Variants in USH2A observed in about 807,000 individuals in gnomAD.
USH2A encodes Usher syndrome 2A (autosomal recessive, mild).
USH2A carries 443 observed loss-of-function variants against 538.9 expected under a neutral mutation model. The observed-to-expected ratio is 0.82, with a 90% confidence interval of 0.76 to 0.89. The LOEUF is 0.89. Among genes scored for constraint, USH2A ranks in the 40% least tolerant of loss-of-function variants. The probability of loss-of-function intolerance (pLI) is 0.00; values close to 1 mark genes in which losing one functional copy is unlikely to be tolerated. For missense variants in USH2A, 6,633 were observed against 6,324.8 expected (o/e 1.05, Z -1.65); for synonymous variants, 2,413 against 2,273.5 (o/e 1.06, Z -1.75).
chr1:215,951,359 C>T (rs550639994), intron 37 of USH2A, among the ~76,000 whole-genome samples: 33 of 152,236 alleles, frequency 2.2e-4, no homozygotes, highest in African/African-American at 6.7e-4. Flanking sequence ...TGTAGTTGAG[C>T]GGTTTTGAGT....
chr1:215,720,816 A>G (rs1406710218), intron 61 of USH2A, among the ~76,000 whole-genome samples: 2 of 152,190 alleles, frequency 1.3e-5, no homozygotes, highest in East Asian at 3.9e-4. Flanking sequence ...GGAATTTCCT[A>G]TGGGGACCCC....
chr1:216,225,109 T>A (rs1380368869), intron 14 of USH2A, among the ~76,000 whole-genome samples: 2 of 152,148 alleles, frequency 1.3e-5, no homozygotes, highest in Non-Finnish European at 2.9e-5. Flanking sequence ...TACATGTGAA[T>A]TTTTTCCTTT....
chr1:215,819,733 T>C (rs1435005739), intron 47 of USH2A, among the ~76,000 whole-genome samples: 1 of 151,796 alleles, frequency 6.6e-6, no homozygotes, highest in African/African-American at 2.4e-5. Flanking sequence ...CATTATAACT[T>C]CCCTTTCTTG....
intron 22 of USH2A, among the ~76,000 whole-genome samples, chr1:216,094,044 AG>A (rs2032377382): frequency 6.6e-6 from 1 of 152,132 alleles, no homozygotes; most frequent in South Asian, 2.1e-4. Flanking sequence ...TCTATAAACA[AG>A]TGGTCCTGTG....
At chr1:216,226,455 A>G (rs1005296876) in intron 14 of USH2A, among the ~76,000 whole-genome samples, 4 of 152,198 alleles carry the variant, frequency 2.6e-5, no homozygotes, top group Non-Finnish European at 5.9e-5. Context: ...GTCTATAATC[A>G]GAGAAGGTAG....
chr1:216,369,002 AG>A (rs887623188), intron 3 of USH2A, among the ~76,000 whole-genome samples: 3 of 152,190 alleles, frequency 2.0e-5, no homozygotes, highest in Non-Finnish European at 4.4e-5. Context: ...TCCCCTTAAA[AG>A]ATCATGATGG....
intron 30 of USH2A, among the ~76,000 whole-genome samples, chr1:216,062,614 C>A (rs867559550): frequency 5.3e-5 from 8 of 152,082 alleles, no homozygotes; most frequent in South Asian, 2.1e-4. Flanking sequence ...ATAAGGTTTT[C>A]ATCCCCAATT....
intron 11 of USH2A, among the ~76,000 whole-genome samples, chr1:216,271,367 T>C (rs2036571837): frequency 6.6e-6 from 1 of 152,086 alleles, no homozygotes; most frequent in Admixed American, 6.6e-5. Flanking sequence ...TTTTCATGGC[T>C]TTACGAAGGA....
chr1:215,807,354 A>G (rs1441298522), intron 49 of USH2A, among the ~76,000 whole-genome samples: 1 of 152,136 alleles, frequency 6.6e-6, no homozygotes, highest in Non-Finnish European at 1.5e-5. Context: ...GATTTATAGC[A>G]GCAATAGGAA....
intron 67 of USH2A, among the ~76,000 whole-genome samples, chr1:215,647,005 C>T (rs531374566): frequency 5.3e-5 from 8 of 152,308 alleles, no homozygotes; most frequent in Non-Finnish European, 1.0e-4. Context: ...ACTCGCCTAA[C>T]GATGCATTTC....
At chr1:215,781,800 T>C (rs886506628) in intron 54 of USH2A, among the ~76,000 whole-genome samples, 16 of 152,186 alleles carry the variant, frequency 1.1e-4, no homozygotes, top group African/African-American at 3.4e-4. Flanking sequence ...TGGTACTGCT[T>C]CAAGATTTCA....
chr1:215,842,732 T>C (rs1571739429), intron 46 of USH2A, among the ~76,000 whole-genome samples: 5 of 152,028 alleles, frequency 3.3e-5, no homozygotes, highest in Admixed American at 3.3e-4. Context: ...ACATCACATG[T>C]TCTCACTTAT....
intron 23 of USH2A, chr1:216,087,047 C>T (rs982749475): frequency 2.0e-6 from 1 of 488,696 alleles, no homozygotes; most frequent in Non-Finnish European, 3.8e-6. Flanking sequence ...CCTTTCTCTA[C>T]CCATAGGCAC....
intron 37 of USH2A, among the ~76,000 whole-genome samples, chr1:215,955,851 A>G (rs1014848445): frequency 8.5e-5 from 13 of 152,166 alleles, no homozygotes; most frequent in Non-Finnish European, 8.8e-5. Context: ...TCACTTTCTA[A>G]GGGGCCAAAC....
intron 32 of USH2A, among the ~76,000 whole-genome samples, chr1:216,014,705 A>G (rs754431900): frequency 6.6e-6 from 1 of 152,226 alleles, no homozygotes; most frequent in Non-Finnish European, 1.5e-5. Flanking sequence ...TCTAATATGC[A>G]TTAGAAATGG....
At chr1:215,953,600 C>G (rs1245517342) in intron 37 of USH2A, among the ~76,000 whole-genome samples, 1 of 151,850 alleles carries the variant, frequency 6.6e-6, no homozygotes. Context: ...GACCTAAAAC[C>G]ATAAAAACCC....
In USH2A at chr1:215,623,947, C is replaced by CTCCTT. The variant is rs1160475540; in HGVS notation, c.*1829_*1833dup. ...GGATTAGGATGCAAGTTTGTGACCA[C>CTCCTT]TCCTTTCCTATATACCTTAAGTAGC... is the stretch of plus-strand genomic sequence containing the variant. On this transcript the variant is annotated 3_prime_UTR_variant, in exon 72 of 72. Transcript: ENST00000307340. 6.6e-6 allele frequency: 1 copy of CTCCTT among 152,136 alleles called. No individual in the cohort carries two copies. The highest frequency in any genetic ancestry group is 2.4e-5 in the African/African-American group (1 of 41,448). The allele number at this position is 152,136 out of a possible 1,614,324, so 9.4% of individuals were successfully genotyped here.
At chr1:215,738,838 T>C (rs1460497808) in intron 60 of USH2A, among the ~76,000 whole-genome samples, 3 of 152,172 alleles carry the variant, frequency 2.0e-5, no homozygotes, top group Admixed American at 6.5e-5. Flanking sequence ...TGAAATTACA[T>C]GCCATAACCT....
At chr1:216,140,223 C>A (rs1269328146) in intron 21 of USH2A, among the ~76,000 whole-genome samples, 2 of 152,062 alleles carry the variant, frequency 1.3e-5, no homozygotes, top group East Asian at 1.9e-4. Context: ...ACCTGCTGAA[C>A]CTCACTAGAA....
Sources: gnomAD v4.1 joint callset for allele counts (sites outside exome capture counted in the v4.1 genomes callset) on GRCh38, gnomAD v4.1.1 for gene constraint, MANE v1.5 for transcripts, NCBI Gene and HGNC (gene_info 2026-07-23, HGNC 2026-07-21) for gene names.